Variants in UNC5C observed in about 807,000 individuals in gnomAD.
The protein encoded by UNC5C is netrin receptor UNC5C.
In UNC5C, 47 loss-of-function variants were observed where a neutral mutation model predicts 99.8. The observed-to-expected ratio is 0.47, with a 90% CI of 0.37 to 0.60. The LOEUF is 0.60. Among genes scored for constraint, UNC5C ranks in the 20% least tolerant of loss-of-function variants. UNC5C has a pLI of 0.00. For missense variants in UNC5C, 1,062 were observed against 1,165.9 expected, an observed-to-expected ratio of 0.91 and a Z score of 1.30; for synonymous variants, 487 against 452.2, an observed-to-expected ratio of 1.08 and a Z score of -0.98.
chr4:95,237,998 A>G (rs1019733366), intron 7 of UNC5C, among the ~76,000 whole-genome samples: 2 of 152,094 alleles, frequency 1.3e-5, no homozygotes, highest in Non-Finnish European at 2.9e-5. Flanking sequence ...GCCGAGTGCA[A>G]CTGCACTCCA....
chr4:95,543,470 G>T (rs1191637359), intron 1 of UNC5C, among the ~76,000 whole-genome samples: 1 of 152,156 alleles, frequency 6.6e-6, no homozygotes, highest in Non-Finnish European at 1.5e-5. Flanking sequence ...ACTTCCTATT[G>T]CAAATATAGT....
In UNC5C at chr4:95,219,074, C is replaced by T. The variant is rs752741406; in HGVS notation, c.1540G>A (p.Ala514Thr). The change falls in exon 9 of 16, where the codon GCC becomes ACC. Residue 514 changes from alanine to threonine, a missense_variant. Coordinates refer to ENST00000453304, the MANE Select transcript of UNC5C (RefSeq NM_003728.4). ...QMTQSLLENEALSLKNQSLAR... is the reference protein window; with the variant it reads ...QMTQSLLENETLSLKNQSLAR... ...AGACTCTGGTTCTTCAGGCTGAGGGCTTCATTCTCCAACAACGACTGGGTC... is the reference window on the plus strand; with the variant it reads ...AGACTCTGGTTCTTCAGGCTGAGGGTTTCATTCTCCAACAACGACTGGGTC... 10 of 1,613,988 alleles carry T rather than the reference C, an allele frequency of 6.2e-6. No homozygotes were observed. The highest frequency in any genetic ancestry group is 1.7e-5 in the Admixed American group (1 of 59,982).
At position 95,273,007 on chromosome 4, in the gene UNC5C, G is replaced by A. The variant is rs186441694; in HGVS notation, c.594+5252C>T. 4.6e-5 allele frequency among the ~76,000 whole-genome samples: 7 copies of A among 152,338 alleles called. No individual in the cohort carries two copies. The East Asian group carries it at 1.4e-3, about 29-fold the overall frequency. On this transcript the variant is annotated intron_variant, in intron 4 of 15. Coordinates refer to ENST00000453304, the MANE Select transcript of UNC5C (RefSeq NM_003728.4). ...CACCTGATGCTGCACATTTGGCGGA[G>A]CCTCCAGCTGCCACCAGTTTTCTGC...
rs943088476 is a variant in UNC5C at position 95,165,250 on chromosome 4, T to C, written c.*3984A>G. ...CTGAACTCAGTCCCCACGACTTTTT[T>C]CTCCTGAAAATCGCTCTACTTTTTG... On this transcript the variant is annotated 3_prime_UTR_variant, in exon 16 of 16. Transcript: ENST00000453304. 5.3e-5 allele frequency: 8 copies of C among 151,186 alleles called. No individual in the cohort carries two copies. Among genetic ancestry groups the C allele is most frequent in the Non-Finnish European group, 1.0e-4 (7 of 68,044 alleles). 9.4% of individuals were successfully genotyped at this position (151,186 alleles called of 1,614,324 possible).
intron 1 of UNC5C, among the ~76,000 whole-genome samples, chr4:95,359,548 T>C (rs1273939898): frequency 6.6e-6 from 1 of 151,998 alleles, no homozygotes; most frequent in African/African-American, 2.4e-5. Context: ...TATTTAATAA[T>C]ATTACCTTCT....
chr4:95,390,025 T>G (rs969676389), intron 1 of UNC5C, among the ~76,000 whole-genome samples: 4 of 152,122 alleles, frequency 2.6e-5, no homozygotes, highest in Non-Finnish European at 4.4e-5. Flanking sequence ...TTGAAAATAG[T>G]GTAATAGTAT....
chr4:95,424,379 C>G (rs1746403390), intron 1 of UNC5C, among the ~76,000 whole-genome samples: 1 of 151,666 alleles, frequency 6.6e-6, no homozygotes, highest in East Asian at 1.9e-4. Context: ...ATACCGATTT[C>G]TCACATATTT....
intron 4 of UNC5C, among the ~76,000 whole-genome samples, chr4:95,274,039 C>T (rs146674658): frequency 6.6e-6 from 1 of 152,132 alleles, no homozygotes; most frequent in Non-Finnish European, 1.5e-5. Flanking sequence ...TGACTTATAA[C>T]CTGCTGGCAT....
intron 14 of UNC5C, among the ~76,000 whole-genome samples, chr4:95,176,788 C>A (rs1736370252): frequency 1.3e-5 from 2 of 152,258 alleles, no homozygotes; most frequent in South Asian, 4.1e-4. Flanking sequence ...AGCTTCCTGG[C>A]TGCTTTGTTT....
At chr4:95,471,005 C>G (rs918854950) in intron 1 of UNC5C, among the ~76,000 whole-genome samples, 1 of 151,594 alleles carries the variant, frequency 6.6e-6, no homozygotes, top group African/African-American at 2.4e-5. Flanking sequence ...AAAAAAAAAT[C>G]CAAGGATGGA....
chr4:95,207,542 A>G lies in UNC5C; in HGVS notation c.1734-746T>C, dbSNP rs370540441. Among the ~76,000 whole-genome samples the G allele has an allele frequency of 2.0e-5, 3 of 152,176 alleles. No homozygotes were observed. In the East Asian group the frequency reaches 5.8e-4, roughly 29 times the overall value. On this transcript the variant is annotated intron_variant, in intron 10 of 15. Transcript: ENST00000453304. ...AACCTAGCCTATCAGTAAATTTGTGAAGATATAGTTCCAAAGGTATTGAGT... is the reference window on the plus strand; with the variant it reads ...AACCTAGCCTATCAGTAAATTTGTGGAGATATAGTTCCAAAGGTATTGAGT...
At chr4:95,457,992 T>C (rs924332662) in intron 1 of UNC5C, among the ~76,000 whole-genome samples, 1 of 152,108 alleles carries the variant, frequency 6.6e-6, no homozygotes, top group Non-Finnish European at 1.5e-5. Flanking sequence ...TTTTGTGTGG[T>C]GCTAACCTAG....
At chr4:95,174,366 CT>C (rs2149345406) in intron 14 of UNC5C, among the ~76,000 whole-genome samples, 1 of 152,130 alleles carries the variant, frequency 6.6e-6, no homozygotes, top group African/African-American at 2.4e-5. Flanking sequence ...CCTGCTTTCT[CT>C]TGTGGGCATT....
chr4:95,301,786 G>C, intron 2 of UNC5C, 37 bp from the exon 3 acceptor site: 1 of 1,600,108 alleles, frequency 6.2e-7, no homozygotes, highest in Non-Finnish European at 8.5e-7. Flanking sequence ...GTCAACACAA[G>C]ATTCATACTA....
chr4:95,396,445 A>G (rs1005800329), intron 1 of UNC5C, among the ~76,000 whole-genome samples: 2 of 152,176 alleles, frequency 1.3e-5, no homozygotes, highest in Non-Finnish European at 1.5e-5. Context: ...AATTTTATCT[A>G]AAGGCAATGA....
chr4:95,208,827 G>A (rs889530445), intron 10 of UNC5C, among the ~76,000 whole-genome samples: 2 of 152,208 alleles, frequency 1.3e-5, no homozygotes, highest in Admixed American at 1.3e-4. Context: ...ACTTGAAATG[G>A]ATTTTTCTCT....
At chr4:95,397,284 C>T (rs1183306744) in intron 1 of UNC5C, among the ~76,000 whole-genome samples, 1 of 152,188 alleles carries the variant, frequency 6.6e-6, no homozygotes, top group Non-Finnish European at 1.5e-5. Context: ...GTCTAACAAA[C>T]TCCAAGGTTA....
chr4:95,479,274 T>C, intron 1 of UNC5C, among the ~76,000 whole-genome samples: 1 of 152,050 alleles, frequency 6.6e-6, no homozygotes, highest in East Asian at 1.9e-4. Flanking sequence ...TATATGTACA[T>C]TCTTCCTCAC....
At chr4:95,300,509 G>C (rs1181040422) in intron 3 of UNC5C, among the ~76,000 whole-genome samples, 1 of 152,128 alleles carries the variant, frequency 6.6e-6, no homozygotes, top group Non-Finnish European at 1.5e-5. Flanking sequence ...AAAATAAATA[G>C]AGAAGCTTTA....
Sources: gnomAD v4.1 joint callset for allele counts (sites outside exome capture counted in the v4.1 genomes callset) on GRCh38, gnomAD v4.1.1 for gene constraint, MANE v1.5 for transcripts, NCBI Gene and HGNC (gene_info 2026-07-23, HGNC 2026-07-21) for gene names.